The following CADPS2 variants were observed in gnomAD, a reference collection of about 807,000 sequenced individuals.
The protein encoded by CADPS2 is calcium-dependent secretion activator 2.
Under a neutral mutation model 172.5 loss-of-function variants are expected in CADPS2, and 93 were observed. The observed-to-expected ratio is 0.54, with a 90% CI of 0.46 to 0.64. CADPS2 has a LOEUF of 0.64. Ranked by LOEUF, CADPS2 falls within the 30% of genes least tolerant of loss-of-function variation. The pLI is 0.00. For missense variants in CADPS2, 1,420 were observed against 1,565.9 expected, an observed-to-expected ratio of 0.91 and a Z score of 1.57; for synonymous variants, 546 against 555.2, an observed-to-expected ratio of 0.98 and a Z score of 0.23.
At chr7:122,549,381 A>C (rs781112881) in intron 8 of CADPS2, among the ~76,000 whole-genome samples, 1 of 152,148 alleles carries the variant, frequency 6.6e-6, no homozygotes. Flanking sequence ...AGCTGACTCA[A>C]TACTTACCGT....
At chr7:122,820,079 T>C (rs1025750584) in intron 1 of CADPS2, among the ~76,000 whole-genome samples, 8 of 152,172 alleles carry the variant, frequency 5.3e-5, no homozygotes, top group South Asian at 4.1e-4. Context: ...ATCAACCAAA[T>C]TGTTTTGCCT....
intron 6 of CADPS2, among the ~76,000 whole-genome samples, chr7:122,613,932 T>G (rs1025881634): frequency 1.3e-5 from 2 of 151,824 alleles, no homozygotes; most frequent in Non-Finnish European, 2.9e-5. Context: ...ATTAACACAG[T>G]CCCAAAATTA....
intron 27 of CADPS2, among the ~76,000 whole-genome samples, chr7:122,358,675 C>T (rs1431064567): frequency 3.3e-5 from 5 of 152,060 alleles, no homozygotes. Context: ...TAAGAGACAG[C>T]TTCAGAGAGG....
intron 17 of CADPS2, among the ~76,000 whole-genome samples, chr7:122,417,804 A>G (rs959981407): frequency 8.5e-5 from 13 of 152,194 alleles, no homozygotes; most frequent in Admixed American, 6.5e-5. Context: ...TAAGCCTGAA[A>G]CATGGTCTTA....
intron 20 of CADPS2, among the ~76,000 whole-genome samples, chr7:122,401,367 T>G (rs571701977): frequency 6.6e-6 from 1 of 152,218 alleles, no homozygotes; most frequent in East Asian, 1.9e-4. Flanking sequence ...CAGTTCCCAA[T>G]AGAATGGTCA....
In CADPS2 at chr7:122,657,162, G is replaced by A. The variant is rs186031274; in HGVS notation, c.786+6075C>T. 5.2e-3 allele frequency among the ~76,000 whole-genome samples: 790 copies of A among 152,174 alleles called. 10 individuals are homozygous for A. Among genetic ancestry groups the A allele is most frequent in the Admixed American group, 0.013 (199 of 15,286 alleles). Reference sequence around the variant, plus strand: ...CTGAGGACTCTGCTCTGTTCCATAGGTCTATATCTCTGTTTTGGTACCAGT... The same window carrying A: ...CTGAGGACTCTGCTCTGTTCCATAGATCTATATCTCTGTTTTGGTACCAGT... On this transcript the variant is annotated intron_variant, in intron 3 of 29. Transcript: ENST00000449022.
intron 2 of CADPS2, among the ~76,000 whole-genome samples, chr7:122,669,834 T>C (rs2081603160): frequency 6.6e-6 from 1 of 151,966 alleles, no homozygotes; most frequent in Admixed American, 6.6e-5. Flanking sequence ...ACTGGCACTC[T>C]AAATAAGTCT....
intron 7 of CADPS2, among the ~76,000 whole-genome samples, chr7:122,580,636 G>A (rs1292500723): frequency 6.6e-6 from 1 of 151,996 alleles, no homozygotes; most frequent in African/African-American, 2.4e-5. Flanking sequence ...GGATTAGAAG[G>A]TAAACATATA....
intron 2 of CADPS2, among the ~76,000 whole-genome samples, chr7:122,669,748 G>C (rs1332932148): frequency 6.6e-6 from 1 of 152,016 alleles, no homozygotes; most frequent in African/African-American, 2.4e-5. Context: ...CACGAAGCCT[G>C]AACCATCAAC....
At chr7:122,362,927 C>G (rs1038086084) in intron 25 of CADPS2, among the ~76,000 whole-genome samples, 1 of 152,122 alleles carries the variant, frequency 6.6e-6, no homozygotes. Context: ...GATGTAAGAA[C>G]ACAGAAACAA....
At chr7:122,466,670 T>C (rs1055552665) in intron 14 of CADPS2, among the ~76,000 whole-genome samples, 2 of 152,226 alleles carry the variant, frequency 1.3e-5, no homozygotes, top group African/African-American at 4.8e-5. Flanking sequence ...CTACATGCTA[T>C]TTAAGCAATA....
chr7:122,327,662 C>T (rs2150760281), intron 28 of CADPS2, among the ~76,000 whole-genome samples: 1 of 151,814 alleles, frequency 6.6e-6, no homozygotes, highest in Admixed American at 6.6e-5. Context: ...TAAAATGGTA[C>T]TTATAATTAA....
At chr7:122,395,968 C>T (rs1168503935) in intron 20 of CADPS2, among the ~76,000 whole-genome samples, 3 of 152,110 alleles carry the variant, frequency 2.0e-5, no homozygotes, top group Non-Finnish European at 4.4e-5. Context: ...TGCCACCATG[C>T]CCAGCTAATT....
Position 122,491,367 on chromosome 7 carries a change from T to A in CADPS2, c.1596A>T (p.Pro532=), listed in dbSNP as rs912840175. ...MCSYREKKSE[P]QELMQLEGYT... is the part of the protein sequence containing the mutation. ...AGCCTTCAAGCTGCATTAATTCTTG[T>A]GGTTCAGACTTCTTTTCTCTATAAC... The change falls in exon 10 of 30, where the codon CCA becomes CCT. Residue 532 remains proline, a synonymous_variant. Transcript: ENST00000449022. The A allele has an allele frequency of 2.5e-6, 4 of 1,612,144 alleles. No individual in the cohort carries two copies. The highest frequency in any genetic ancestry group is 3.4e-6 in the Non-Finnish European group (4 of 1,179,006).
chr7:122,728,806 G>A (rs1447857711), intron 2 of CADPS2, among the ~76,000 whole-genome samples: 4 of 151,544 alleles, frequency 2.6e-5, no homozygotes, highest in Admixed American at 6.6e-5. Context: ...ATAGGCATAA[G>A]GTAACACTAA....
chr7:122,815,271 G>T (rs17144942), intron 1 of CADPS2, among the ~76,000 whole-genome samples: 29,706 of 152,050 alleles, frequency 0.2, 3,007 homozygotes, highest in Middle Eastern at 0.3. Context: ...TACTAGAGAT[G>T]CACTCCTAAC....
chr7:122,602,928 C>G (rs531366788), intron 6 of CADPS2, among the ~76,000 whole-genome samples: 1 of 152,174 alleles, frequency 6.6e-6, no homozygotes, highest in East Asian at 1.9e-4. Context: ...ATAACAAGTG[C>G]TCTTCATGTA....
intron 1 of CADPS2, among the ~76,000 whole-genome samples, chr7:122,833,195 G>A (rs1807137850): frequency 6.6e-6 from 1 of 152,092 alleles, no homozygotes; most frequent in Non-Finnish European, 1.5e-5. Flanking sequence ...GGTGATTACA[G>A]AATTCAAAAC....
chr7:122,598,248 G>T (rs1306090926), intron 6 of CADPS2, among the ~76,000 whole-genome samples: 4 of 149,624 alleles, frequency 2.7e-5, no homozygotes, highest in African/African-American at 7.4e-5. Context: ...TTTTTTTTTT[G>T]AAAAATACCC....
Sources: allele counts gnomAD v4.1 joint callset (sites outside exome capture counted in the v4.1 genomes callset), GRCh38; gene constraint gnomAD v4.1.1; transcripts MANE v1.5; gene names NCBI Gene and HGNC (gene_info 2026-07-23, HGNC 2026-07-21).